The following INTS6 variants were observed in gnomAD, a reference collection of about 807,000 sequenced individuals.
INTS6 encodes integrator complex subunit 6.
In INTS6, 16 loss-of-function variants were observed where a neutral mutation model predicts 104.9. The ratio of observed to expected loss-of-function variants is 0.15; its 90% CI spans 0.10 to 0.23. INTS6 has a LOEUF of 0.23. Ranked by LOEUF, INTS6 falls within the 10% of genes least tolerant of loss-of-function variation. INTS6 has a pLI of 1.00. For missense variants in INTS6, 584 were observed against 1,062.8 expected (o/e 0.55, Z 6.26); for synonymous variants, 324 against 358.7 (o/e 0.90, Z 1.09).
chr13:51,371,108 CTCA>C (rs1955793598), intron 15 of INTS6, among the ~76,000 whole-genome samples: 1 of 152,198 alleles, frequency 6.6e-6, no homozygotes, highest in African/African-American at 2.4e-5. Context: ...GCTAGAAATG[CTCA>C]TCTGCCTCAG....
intron 6 of INTS6, 103 bp downstream of exon 6, chr13:51,389,216 T>C: frequency 8.6e-7 from 1 of 1,163,678 alleles, no homozygotes; most frequent in Non-Finnish European, 1.2e-6. Flanking sequence ...TCTTAATAAT[T>C]TGGCCTTGCC....
chr13:51,398,031 T>C (rs1348023831), intron 4 of INTS6, among the ~76,000 whole-genome samples: 1 of 152,154 alleles, frequency 6.6e-6, no homozygotes, highest in Non-Finnish European at 1.5e-5. Flanking sequence ...TTAGGCAAAT[T>C]TTTATTTATT....
chr13:51,447,571 C>T (rs966314818), intron 3 of INTS6: 9 of 151,890 alleles, frequency 5.9e-5, no homozygotes, highest in African/African-American at 2.2e-4. Flanking sequence ...TTGTCTTCAC[C>T]AAGGGCACAT....
intron 4 of INTS6, among the ~76,000 whole-genome samples, chr13:51,397,293 A>G (rs1956356779): frequency 6.6e-6 from 1 of 152,212 alleles, no homozygotes; most frequent in Non-Finnish European, 1.5e-5. Context: ...GAGTTTTCCT[A>G]GTGAAGCTAT....
intron 3 of INTS6, chr13:51,439,479 T>C (rs527902147): frequency 6.6e-6 from 1 of 152,290 alleles, no homozygotes; most frequent in South Asian, 2.1e-4. Context: ...TTTCCAATTA[T>C]ATATGCCCTT....
the INTS6 span, chr13:51,339,184 A>T: frequency 5.9e-5 from 9 of 152,216 alleles, no homozygotes; most frequent in Non-Finnish European, 1.3e-4. Flanking sequence ...ATAATAAATG[A>T]GGCAAGTCAC....
At chr13:51,414,813 G>A (rs908273120) in intron 4 of INTS6, among the ~76,000 whole-genome samples, 1 of 142,920 alleles carries the variant, frequency 7.0e-6, no homozygotes, top group South Asian at 2.2e-4. Flanking sequence ...TTCTATATAT[G>A]TATGTATGTA....
chr13:51,345,936 T>C, the INTS6 span, among the ~76,000 whole-genome samples: 3 of 152,164 alleles, frequency 2.0e-5, no homozygotes, highest in African/African-American at 7.2e-5. Context: ...AAGCTTTCCA[T>C]GGAGCTGCTA....
intron 2 of INTS6, 92 bp downstream of exon 2, chr13:51,451,886 G>A: frequency 1.4e-6 from 1 of 733,956 alleles, no homozygotes; most frequent in Non-Finnish European, 2.2e-6. Flanking sequence ...GGGGAGGGGA[G>A]CATAATGAAG....
At chr13:51,378,539 A>T in intron 11 of INTS6, 85 bp from the exon 12 acceptor site, 1 of 730,402 alleles carries the variant, frequency 1.4e-6, no homozygotes, top group Non-Finnish European at 2.0e-6. Context: ...CTATAAATTA[A>T]ATATATATTT....
chr13:51,450,629 CCT>C (rs1953020478), intron 3 of INTS6: 1 of 986,844 alleles, frequency 1.0e-6, no homozygotes. Flanking sequence ...AGATTAATTT[CCT>C]CTAACATCTT....
the INTS6 span, chr13:51,341,433 A>C: frequency 7.9e-7 from 1 of 1,260,688 alleles, no homozygotes; most frequent in Non-Finnish European, 1.1e-6. Flanking sequence ...TCACACTCAC[A>C]CTCACTCTCT....
intron 4 of INTS6, among the ~76,000 whole-genome samples, chr13:51,428,488 C>A (rs969693281): frequency 6.6e-6 from 1 of 151,866 alleles, no homozygotes; most frequent in Non-Finnish European, 1.5e-5. Context: ...CCACGCCCAG[C>A]TAATTTTTTT....
In INTS6 at chr13:51,451,984, A is replaced by G. The variant is rs756760757; in HGVS notation, c.183T>C (p.Ala61=). The G allele has an allele frequency of 5.0e-6, 8 of 1,608,220 alleles. No individual in the cohort carries two copies. The highest frequency in any genetic ancestry group is 3.3e-5 in the Admixed American group (2 of 59,820). The change falls in exon 2 of 18, where the codon GCT becomes GCC. Residue 61 remains alanine (A), a synonymous_variant. Transcript: ENST00000311234. ...MLVTFEEPPY[A]IKAGWKENHA... is the part of the protein sequence containing the mutation. ...GGAGGGCGAGGGCTGTTACCTTGAT[A>G]GCATAGGGCGGCTCTTCGAAAGTGA...
chr13:51,413,264 C>A (rs1245592169), intron 4 of INTS6, among the ~76,000 whole-genome samples: 1 of 152,026 alleles, frequency 6.6e-6, no homozygotes, highest in African/African-American at 2.4e-5. Flanking sequence ...CAGATCACAG[C>A]CTCTGCTGGG....
rs1203738240 is a variant in INTS6 at position 51,363,178 on chromosome 13, G to A, written c.*2574C>T. 1 of 151,924 alleles carries A rather than the reference G, an allele frequency of 6.6e-6. No homozygotes were observed. Among genetic ancestry groups the A allele is most frequent in the Non-Finnish European group, 1.5e-5 (1 of 67,884 alleles). The allele number at this position is 151,924 out of a possible 1,614,324, so 9.4% of individuals were successfully genotyped here. ...GAGATTCTGATTTTGGAATTCAAGTGCATAAAAATGATGTAAAATCCTTAA... is the reference window on the plus strand; with the variant it reads ...GAGATTCTGATTTTGGAATTCAAGTACATAAAAATGATGTAAAATCCTTAA... On this transcript the variant is annotated 3_prime_UTR_variant, in exon 18 of 18. Coordinates refer to ENST00000311234, the MANE Select transcript of INTS6 (RefSeq NM_012141.3).
the INTS6 span, among the ~76,000 whole-genome samples, chr13:51,345,571 G>A: frequency 7.1e-6 from 1 of 140,094 alleles, no homozygotes; most frequent in African/African-American, 2.6e-5. Context: ...CTCCAGCTTG[G>A]GCAACAGTGA....
At chr13:51,415,498 T>C (rs1010019076) in intron 4 of INTS6, among the ~76,000 whole-genome samples, 1 of 152,120 alleles carries the variant, frequency 6.6e-6, no homozygotes, top group Non-Finnish European at 1.5e-5. Flanking sequence ...GGAATAAGTC[T>C]CACAAGATCT....
chr13:51,446,292 C>T (rs548674418), intron 3 of INTS6: 2 of 152,158 alleles, frequency 1.3e-5, no homozygotes, highest in East Asian at 1.9e-4. Context: ...AAATGGCCAA[C>T]AAGCGTATGT....
Sources: gnomAD v4.1 joint callset for allele counts (sites outside exome capture counted in the v4.1 genomes callset) on GRCh38, gnomAD v4.1.1 for gene constraint, MANE v1.5 for transcripts, NCBI Gene and HGNC (gene_info 2026-07-23, HGNC 2026-07-21) for gene names.